The following FADS2 variants were observed in gnomAD, a reference collection of about 807,000 sequenced individuals.
The protein encoded by FADS2 is acyl-CoA 6-desaturase.
In FADS2, 18 loss-of-function variants were observed where a neutral mutation model predicts 61.2. The ratio of observed to expected loss-of-function variants is 0.29; its 90% CI spans 0.20 to 0.44. The LOEUF (loss-of-function observed/expected upper bound fraction) is 0.44, where lower values mean the gene tolerates loss of function less well. Ranked by LOEUF, FADS2 falls within the 20% of genes least tolerant of loss-of-function variation. The pLI is 1.00. For missense variants in FADS2, 322 were observed against 572.7 expected (o/e 0.56, Z 4.47); for synonymous variants, 203 against 223.9 (o/e 0.91, Z 0.83).
At chr11:61,822,324 C>A (rs1283912649) in intron 1 of FADS2, among the ~76,000 whole-genome samples, 1 of 152,160 alleles carries the variant, frequency 6.6e-6, no homozygotes, top group African/African-American at 2.4e-5. Context: ...TATATTAAAC[C>A]CACTGTTTTA....
upstream of FADS2, chr11:61,826,194 G>GC: frequency 1.4e-6 from 1 of 702,500 alleles, no homozygotes; most frequent in Non-Finnish European, 2.6e-6. Flanking sequence ...CTCAATTTGA[G>GC]CCCCATCTAC....
chr11:61,823,281 G>A (rs1591160970), intron 1 of FADS2, among the ~76,000 whole-genome samples: 1 of 152,182 alleles, frequency 6.6e-6, no homozygotes, highest in Non-Finnish European at 1.5e-5. Flanking sequence ...AGGCAATGTG[G>A]TAGAATGGAA....
intron 1 of FADS2, among the ~76,000 whole-genome samples, chr11:61,831,962 C>T (rs1247199906): frequency 6.6e-6 from 1 of 152,226 alleles, no homozygotes; most frequent in Non-Finnish European, 1.5e-5. Context: ...TCTTCAGCGA[C>T]AATTCATCAA....
At chr11:61,861,591 G>A (rs1392287041) in intron 7 of FADS2, among the ~76,000 whole-genome samples, 1 of 152,188 alleles carries the variant, frequency 6.6e-6, no homozygotes, top group Non-Finnish European at 1.5e-5. Context: ...GATGGAAAGT[G>A]GGAGCAGAAC....
chr11:61,842,219 C>A (rs1451911648), intron 4 of FADS2, among the ~76,000 whole-genome samples: 3 of 152,198 alleles, frequency 2.0e-5, no homozygotes, highest in African/African-American at 7.2e-5. Flanking sequence ...GGTGGCCAAC[C>A]ACCCCTGAGC....
chr11:61,858,670 C>A (rs946449185), intron 7 of FADS2, among the ~76,000 whole-genome samples: 1 of 151,908 alleles, frequency 6.6e-6, no homozygotes, highest in Non-Finnish European at 1.5e-5. Flanking sequence ...ACTGCAACCT[C>A]CGCCTCCTGG....
At chr11:61,853,331 C>CCTTT (rs1408322483) in intron 5 of FADS2, among the ~76,000 whole-genome samples, 1 of 129,768 alleles carries the variant, frequency 7.7e-6, no homozygotes, top group Non-Finnish European at 1.6e-5. Context: ...TTCCTTCCTT[C>CCTTT]CTTTCCTTCT....
chr11:61,846,932 G>A (rs995535692), intron 4 of FADS2: 1 of 150,504 alleles, frequency 6.6e-6, no homozygotes, highest in Non-Finnish European at 1.5e-5. Flanking sequence ...TCTCCAAATC[G>A]TTTATTGAGA....
intron 2 of FADS2, among the ~76,000 whole-genome samples, chr11:61,839,946 T>G (rs2067204455): frequency 6.6e-6 from 1 of 152,242 alleles, no homozygotes. Flanking sequence ...TTCCTCCCTT[T>G]TCAAGGCTGA....
intron 7 of FADS2, among the ~76,000 whole-genome samples, chr11:61,861,129 C>T (rs186821279): frequency 0.016 from 2,464 of 151,860 alleles, 73 homozygotes; most frequent in African/African-American, 0.057. Context: ...CTGAGGCAGG[C>T]GGATCACAAG....
upstream of FADS2, among the ~76,000 whole-genome samples, chr11:61,824,483 AGAGAGAGAAAGAAAGAAAG>A (rs1565325363): frequency 1.1e-3 from 11 of 9,708 alleles, no homozygotes; most frequent in Non-Finnish European, 4.8e-3. Context: ...AGAGAGAGAG[AGAGAGAGAAAGAAAGAAAG>A]GAAAGAAAGA....
chr11:61,851,280 T>G (rs2067304689), intron 5 of FADS2, among the ~76,000 whole-genome samples: 1 of 152,194 alleles, frequency 6.6e-6, no homozygotes, highest in Non-Finnish European at 1.5e-5. Context: ...CCAGCTGCAC[T>G]GGCAAGAAGG....
chr11:61,847,961 AG>A (rs1438394380), intron 4 of FADS2, 197 bp from the exon 5 acceptor site: 1 of 588,870 alleles, frequency 1.7e-6, no homozygotes, highest in African/African-American at 1.9e-5. Context: ...AGAGAGATAA[AG>A]TGACTTCACT....
At chr11:61,832,533 A>G (rs1191523879) in intron 1 of FADS2, among the ~76,000 whole-genome samples, 1 of 152,200 alleles carries the variant, frequency 6.6e-6, no homozygotes, top group Non-Finnish European at 1.5e-5. Context: ...TCTCCTGTGC[A>G]GCCCTGCCTT....
At chr11:61,859,633 C>T (rs1347907730) in intron 7 of FADS2, among the ~76,000 whole-genome samples, 2 of 152,152 alleles carry the variant, frequency 1.3e-5, no homozygotes, top group African/African-American at 4.8e-5. Context: ...TATGTTTTTT[C>T]CCTCCTTATA....
At chr11:61,828,239 G>A, upstream of FADS2, 3 of 1,436,992 alleles carry the variant, frequency 2.1e-6, no homozygotes, top group Non-Finnish European at 2.7e-6. This position sits in a 1 kb window ranked among gnomAD's most constrained non-coding sequence, Gnocchi z 6.4. Context: ...GAAGGCTGGG[G>A]GAGGGGGCGC....
intron 1 of FADS2, among the ~76,000 whole-genome samples, chr11:61,835,368 G>T (rs1451963551): frequency 1.3e-5 from 2 of 151,098 alleles, no homozygotes; most frequent in African/African-American, 4.9e-5. Flanking sequence ...TCCAGGAGTG[G>T]TTAGCACTTT....
intron 1 of FADS2, chr11:61,817,097 C>A: frequency 5.4e-6 from 4 of 743,304 alleles, no homozygotes; most frequent in Non-Finnish European, 7.8e-6. Flanking sequence ...TCCCAGGGGG[C>A]GCCGCGGTAG....
chr11:61,837,888 C>A lies in FADS2; in HGVS notation c.318C>A (p.Asn106Lys). Residue 106 changes from asparagine to lysine, a missense_variant and splice_region_variant, in exon 2 of 12, where the codon AAC becomes AAA. Around this residue, in one of 3 missense-constraint regions of FADS2, gnomAD observed 40 missense variants for 37.3 expected, o/e 1.07. Transcript: ENST00000278840. ...PEEPSQDHGKNSKITEDFRAL... is the reference protein window; with the variant it reads ...PEEPSQDHGKKSKITEDFRAL... ...AGCCCAGCCAGGACCACGGCAAGAA[C>A]GTAAGTCTGGCTTGCAACCTGGGTG... The A allele has an allele frequency of 1.2e-6, 2 of 1,610,228 alleles. No individual in the cohort carries two copies. The highest frequency in any genetic ancestry group is 1.7e-6 in the Non-Finnish European group (2 of 1,177,404).
Sources: gnomAD v4.1 joint callset for allele counts (sites outside exome capture counted in the v4.1 genomes callset) on GRCh38, gnomAD v4.1.1 for gene constraint, gnomAD v4.1.1 regional missense constraint, Gnocchi (gnomAD v3.1) non-coding constraint, MANE v1.5 for transcripts, NCBI Gene and HGNC (gene_info 2026-07-23, HGNC 2026-07-21) for gene names.